Variants in CSMD1 observed in about 807,000 individuals in gnomAD.
CSMD1 encodes CUB and sushi domain-containing protein 1.
CSMD1 carries 213 observed loss-of-function variants against 417.5 expected under a neutral mutation model. The ratio of observed to expected loss-of-function variants is 0.51; its 90% CI spans 0.46 to 0.57. The LOEUF (loss-of-function observed/expected upper bound fraction) is 0.57. CSMD1 is among the 20% of genes least tolerant of loss of function. The pLI, the probability that CSMD1 is intolerant of heterozygous loss-of-function variation, is 0.00. For synonymous variants in CSMD1, 2,862 were observed against 1,736.8 expected (o/e 1.65, Z -16.11); for missense variants, 6,923 against 4,529.7 (o/e 1.53, Z -15.17).
intron 18 of CSMD1, among the ~76,000 whole-genome samples, chr8:3,386,759 G>A (rs1811025851): frequency 6.6e-6 from 1 of 152,090 alleles, no homozygotes; most frequent in Non-Finnish European, 1.5e-5. Context: ...CAGAAACAAT[G>A]TTTCTTGGAA....
At chr8:4,627,098 G>C (rs1294561365) in intron 2 of CSMD1, among the ~76,000 whole-genome samples, 1 of 151,996 alleles carries the variant, frequency 6.6e-6, no homozygotes, top group Non-Finnish European at 1.5e-5. Flanking sequence ...CATTCCCTTT[G>C]AACTTATTCA....
chr8:4,458,513 G>T (rs202223645), intron 2 of CSMD1, among the ~76,000 whole-genome samples: 1 of 152,000 alleles, frequency 6.6e-6, no homozygotes, highest in Admixed American at 6.6e-5. Context: ...TGAAAATTCT[G>T]TATAGTGTGA....
intron 4 of CSMD1, among the ~76,000 whole-genome samples, chr8:4,018,233 G>C (rs561141101): frequency 6.6e-6 from 1 of 151,932 alleles, no homozygotes; most frequent in South Asian, 2.1e-4. Flanking sequence ...TCAGGATTCT[G>C]ACTTTTTATG....
chr8:4,436,061 T>C (rs777586749), intron 2 of CSMD1, among the ~76,000 whole-genome samples: 1 of 152,176 alleles, frequency 6.6e-6, no homozygotes, highest in Admixed American at 6.5e-5. Flanking sequence ...TTCACAGATC[T>C]TATAATTCCA....
At chr8:4,233,339 T>G (rs1801857087) in intron 3 of CSMD1, among the ~76,000 whole-genome samples, 1 of 152,352 alleles carries the variant, frequency 6.6e-6, no homozygotes, top group Middle Eastern at 3.4e-3. Flanking sequence ...CATTGACATA[T>G]TAAAAGTACC....
At chr8:4,393,991 T>A (rs1256632590) in intron 3 of CSMD1, among the ~76,000 whole-genome samples, 1 of 152,188 alleles carries the variant, frequency 6.6e-6, no homozygotes, top group African/African-American at 2.4e-5. Context: ...TGCTACGTAA[T>A]AGAGCAACAC....
At chr8:4,668,360 C>G (rs1381832473) in intron 1 of CSMD1, among the ~76,000 whole-genome samples, 1 of 151,252 alleles carries the variant, frequency 6.6e-6, no homozygotes, top group Admixed American at 6.6e-5. Context: ...CTGCCTTGAA[C>G]CCTCGTCTCT....
In CSMD1 at chr8:3,957,112, G is replaced by T. The variant is rs142900067; in HGVS notation, c.818+40791C>A. Among the ~76,000 whole-genome samples the T allele has an allele frequency of 1.2e-3, 163 of 138,978 alleles. 1 individual carries two copies. The highest frequency in any genetic ancestry group is 3.9e-3 in the African/African-American group (154 of 39,446). 91.2% of individuals were successfully genotyped at this position (138,978 alleles called of 152,430 possible). ...ATGTCTTTGGAAACTATTTCCTCAC[G>T]TTCCTGCTCCTAATGCCCTGCCTCT... On this transcript the variant is annotated intron_variant, in intron 5 of 69. Transcript: ENST00000635120.
chr8:3,922,641 G>T (rs73174440), intron 5 of CSMD1, among the ~76,000 whole-genome samples: 2 of 151,848 alleles, frequency 1.3e-5, no homozygotes, highest in African/African-American at 2.4e-5. Context: ...ATGTAAATTT[G>T]GTCACATAAA....
intron 3 of CSMD1, among the ~76,000 whole-genome samples, chr8:4,385,470 A>G (rs565311083): frequency 6.6e-6 from 1 of 152,152 alleles, no homozygotes; most frequent in Non-Finnish European, 1.5e-5. Flanking sequence ...TTTTAAATTC[A>G]TATTTAAAAT....
At chr8:4,779,959 A>T (rs1036052703) in intron 1 of CSMD1, among the ~76,000 whole-genome samples, 9 of 150,386 alleles carry the variant, frequency 6.0e-5, no homozygotes, top group African/African-American at 2.2e-4. Flanking sequence ...TGGCCAAATG[A>T]TTGTTAAATA....
At chr8:3,016,355 C>T (rs1165380703) in intron 52 of CSMD1, among the ~76,000 whole-genome samples, 2 of 152,156 alleles carry the variant, frequency 1.3e-5, no homozygotes, top group Non-Finnish European at 2.9e-5. Context: ...TACCTTTTTA[C>T]TCACTCATCC....
chr8:3,587,152 C>G (rs1800640284), intron 8 of CSMD1, among the ~76,000 whole-genome samples: 1 of 152,188 alleles, frequency 6.6e-6, no homozygotes, highest in Non-Finnish European at 1.5e-5. Flanking sequence ...AAAAACTGCC[C>G]TGGCTCCAGA....
chr8:4,586,643 A>G (rs531687167), intron 2 of CSMD1, among the ~76,000 whole-genome samples: 1 of 152,316 alleles, frequency 6.6e-6, no homozygotes, highest in African/African-American at 2.4e-5. Flanking sequence ...ATATCATAAA[A>G]ACACAGCACT....
rs75150670 is a variant in CSMD1 at position 4,955,909 on chromosome 8, T to C, written c.85+38423A>G. Among the ~76,000 whole-genome samples, 154 of 152,296 alleles carry C rather than the reference T, an allele frequency of 1.0e-3. 3 individuals carry two copies. In the East Asian group the frequency reaches 0.014, roughly 14 times the overall value. ...GTTAAACTTCAGAGGCAAAAAATTA[T>C]ATTTAAAAAGCCATCCAGGCGATTC... On this transcript the variant is annotated intron_variant, in intron 1 of 69. Coordinates refer to ENST00000635120, the MANE Select transcript of CSMD1 (RefSeq NM_033225.6).
At chr8:4,044,205 A>G (rs570928482) in intron 3 of CSMD1, among the ~76,000 whole-genome samples, 6 of 152,332 alleles carry the variant, frequency 3.9e-5, no homozygotes, top group Non-Finnish European at 8.8e-5. Flanking sequence ...GATCTGCACA[A>G]TAACTGCTGT....
At chr8:4,792,375 TCAA>T (rs1797739283) in intron 1 of CSMD1, among the ~76,000 whole-genome samples, 1 of 152,238 alleles carries the variant, frequency 6.6e-6, no homozygotes, top group Non-Finnish European at 1.5e-5. Context: ...AACTCTAGTT[TCAA>T]TTCCAGAGAC....
intron 1 of CSMD1, among the ~76,000 whole-genome samples, chr8:4,699,086 A>C (rs1807333439): frequency 6.6e-6 from 1 of 152,332 alleles, no homozygotes; most frequent in Middle Eastern, 3.4e-3. Context: ...ATGTCCTGCT[A>C]GAGTTTGAGG....
chr8:3,451,522 C>G (rs545827035), intron 12 of CSMD1, among the ~76,000 whole-genome samples: 18 of 152,300 alleles, frequency 1.2e-4, no homozygotes, highest in African/African-American at 4.3e-4. Context: ...TCAGTTTCGT[C>G]TTTCTACATA....
Sources: allele counts gnomAD v4.1 joint callset (sites outside exome capture counted in the v4.1 genomes callset), GRCh38; gene constraint gnomAD v4.1.1; transcripts MANE v1.5; gene names NCBI Gene and HGNC (gene_info 2026-07-23, HGNC 2026-07-21).